Variants in CENPO observed in about 807,000 individuals in gnomAD.
The protein encoded by CENPO is centromere protein O.
A neutral mutation model predicts 36.1 loss-of-function variants in CENPO; 30 were observed. The ratio of observed to expected loss-of-function variants is 0.83; its 90% CI spans 0.62 to 1.13. CENPO has a LOEUF of 1.13. Among genes scored for constraint, CENPO ranks in the 50% most tolerant of loss-of-function variants. The pLI, the probability that CENPO is intolerant of heterozygous loss-of-function variation, is 0.00. For missense variants in CENPO, 349 were observed against 357.8 expected (o/e 0.98, Z 0.20); for synonymous variants, 171 against 142.3 (o/e 1.20, Z -1.44).
chr2:24,817,863 C>T, intron 7 of CENPO, 22 bp downstream of exon 7: 8 of 1,601,608 alleles, frequency 5.0e-6, no homozygotes, highest in South Asian at 2.2e-5. Flanking sequence ...GTACTGAAGA[C>T]AGTACCAGGT....
chr2:24,807,405 T>G (rs909131928), intron 3 of CENPO, among the ~76,000 whole-genome samples: 3 of 152,236 alleles, frequency 2.0e-5, no homozygotes, highest in Non-Finnish European at 2.9e-5. Context: ...CAAACTCTTA[T>G]GTCTGGCTTC....
rs1667190139 is a variant in CENPO, at chr2:24,819,428, T to G, written c.*110T>G. ...GTTCTCATGACTAAGGGGACAGGAG[T>G]TCCAGAAGAACCTTTCAAGATGATC... On this transcript the variant is annotated 3_prime_UTR_variant, in exon 8 of 8. Coordinates refer to ENST00000380834, the MANE Select transcript of CENPO (RefSeq NM_001322101.2). 6.5e-6 allele frequency: 1 copy of G among 152,774 alleles called. No homozygotes were observed. Among genetic ancestry groups the G allele is most frequent in the Non-Finnish European group, 1.5e-5 (1 of 68,294 alleles). 9.5% of individuals were successfully genotyped at this position (152,774 alleles called of 1,614,324 possible).
chr2:24,813,417 C>T (rs1189548840), intron 3 of CENPO, among the ~76,000 whole-genome samples: 1 of 152,024 alleles, frequency 6.6e-6, no homozygotes, highest in African/African-American at 2.4e-5. Context: ...TTTTTTAGGA[C>T]CTTCAGTTGA....
intron 3 of CENPO, among the ~76,000 whole-genome samples, chr2:24,802,118 GCT>G (rs1247597477): frequency 2.0e-5 from 3 of 152,090 alleles, no homozygotes; most frequent in Non-Finnish European, 4.4e-5. Flanking sequence ...TCATGATTTG[GCT>G]CTCTGTTTGT....
At chr2:24,804,972 G>A (rs1430558496) in intron 3 of CENPO, among the ~76,000 whole-genome samples, 3 of 152,180 alleles carry the variant, frequency 2.0e-5, no homozygotes, top group Admixed American at 6.5e-5. Flanking sequence ...CCTATCAGAC[G>A]TAGATTTGGT....
chr2:24,817,539 T>C (rs961213194), intron 6 of CENPO, 131 bp from the exon 7 acceptor site: 15 of 1,182,006 alleles, frequency 1.3e-5, no homozygotes, highest in Non-Finnish European at 1.7e-5. Flanking sequence ...CCAGCTGCAC[T>C]GAGTGAGATT....
At chr2:24,807,286 GTCTTCTCTTA>G (rs1666451691) in intron 3 of CENPO, among the ~76,000 whole-genome samples, 1 of 151,920 alleles carries the variant, frequency 6.6e-6, no homozygotes, top group Admixed American at 6.6e-5. Flanking sequence ...CTTCTCTTAA[GTCTTCTCTTA>G]AGGTACCCAC....
chr2:24,795,146 C>T (rs940207177), intron 2 of CENPO, among the ~76,000 whole-genome samples: 3 of 152,168 alleles, frequency 2.0e-5, no homozygotes, highest in African/African-American at 7.2e-5. Context: ...TATTTCATTT[C>T]TGTTAAAGTA....
intron 3 of CENPO, among the ~76,000 whole-genome samples, chr2:24,804,309 G>A (rs1421475141): frequency 5.3e-5 from 8 of 151,938 alleles, no homozygotes; most frequent in African/African-American, 1.9e-4. Context: ...TTTAATTGGA[G>A]CATTTAGTCT....
At position 24,806,152 on chromosome 2, in the gene CENPO, G is replaced by A. The variant is rs151051616; in HGVS notation, c.216+6308G>A. On this transcript the variant is annotated intron_variant, in intron 3 of 7. Transcript: ENST00000380834. ...GCGGGATATAATCTCCTGGTGTGCC[G>A]TTTGCTAAGACCGTTGGAAAAGCGC... Among the ~76,000 whole-genome samples, 419 of 152,334 alleles carry A rather than the reference G, an allele frequency of 2.8e-3. 2 individuals are homozygous for A. Among genetic ancestry groups the A allele is most frequent in the Non-Finnish European group, 9.3e-4 (63 of 68,032 alleles).
rs1484401815 is a variant in CENPO, at chr2:24,819,388, A to G, written c.*70A>G. 6.5e-6 allele frequency: 1 copy of G among 152,680 alleles called. No individual in the cohort carries two copies. The highest frequency in any genetic ancestry group is 2.4e-5 in the African/African-American group (1 of 41,454). 9.5% of individuals were successfully genotyped at this position (152,680 alleles called of 1,614,324 possible). On this transcript the variant is annotated 3_prime_UTR_variant, in exon 8 of 8. Transcript: ENST00000380834. Reference sequence around the variant, plus strand: ...CCCCCTCCCCTGCCAGGTGAAAGGAAATATTGCACTTTCTGTTCTCATGAC... The same window carrying G: ...CCCCCTCCCCTGCCAGGTGAAAGGAGATATTGCACTTTCTGTTCTCATGAC...
rs543410406 is a variant in CENPO at position 24,805,141 on chromosome 2, G to A, written c.216+5297G>A. Among the ~76,000 whole-genome samples, 23 of 150,974 alleles carry A rather than the reference G, an allele frequency of 1.5e-4. No homozygotes were observed. In the South Asian group the frequency reaches 3.4e-3, roughly 22 times the overall value. ...ATCGGCTACTGAGGCTTGTGCATTC[G>A]TCACGTGGGTCTCACGCCATGGTTT... On this transcript the variant is annotated intron_variant, in intron 3 of 7. Transcript: ENST00000380834.
At chr2:24,805,750 C>T (rs1477067271) in intron 3 of CENPO, among the ~76,000 whole-genome samples, 1 of 152,200 alleles carries the variant, frequency 6.6e-6, no homozygotes, top group East Asian at 1.9e-4. Context: ...GGGATGCCTC[C>T]CAGTTAGGCT....
rs1572768436 is a variant in CENPO, at chr2:24,821,330, T to C, written c.*2012T>C. The C allele has an allele frequency of 1.3e-6, 1 of 756,660 alleles. No homozygotes were observed. The highest frequency in any genetic ancestry group is 2.9e-5 in the Admixed American group (1 of 34,804). 46.9% of individuals were successfully genotyped at this position (756,660 alleles called of 1,614,324 possible). On this transcript the variant is annotated 3_prime_UTR_variant, in exon 8 of 8. Coordinates refer to ENST00000380834, the MANE Select transcript of CENPO (RefSeq NM_001322101.2). The stretch of plus-strand genomic sequence containing the variant: ...TAGTCGGATCATCACATCAGCTGGG[T>C]TTTTGGTTTAGTCATCTAGAGTCGT...
intron 3 of CENPO, among the ~76,000 whole-genome samples, chr2:24,806,105 C>T (rs1208426039): frequency 5.9e-5 from 9 of 152,220 alleles, no homozygotes; most frequent in Admixed American, 3.3e-4. Context: ...GCTCTGTGGG[C>T]GTAGGACCCT....
chr2:24,799,694 A>G lies in CENPO; in HGVS notation c.66A>G (p.Glu22=). ...ESKGGVLAHL[E]RLETQVSRSR... The stretch of plus-strand genomic sequence containing the variant: ...CCTTAGGTGTTTTAGCTCACTTGGA[A>G]AGGCTAGAGACCCAAGTGAGCAGAT... The change falls in exon 3 of 8, where the codon GAA becomes GAG. Residue 22 remains glutamate (E), a synonymous_variant. Coordinates refer to ENST00000380834, the MANE Select transcript of CENPO (RefSeq NM_001322101.2). 2 of 1,613,364 alleles carry G rather than the reference A, an allele frequency of 1.2e-6. No individual in the cohort carries two copies. The highest frequency in any genetic ancestry group is 4.5e-5 in the East Asian group (2 of 44,862).
rs2148314516 is a variant in CENPO at position 24,819,869 on chromosome 2, TTCC to T, written c.*553_*555del. The T allele has an allele frequency of 6.5e-7, 1 of 1,546,312 alleles. No homozygotes were observed. The highest frequency in any genetic ancestry group is 8.8e-7 in the Non-Finnish European group (1 of 1,135,388). On this transcript the variant is annotated 3_prime_UTR_variant, in exon 8 of 8. Transcript: ENST00000380834. ...CACTTCAATCCAGGAAGGTCGGGAC[TTCC>T]TTCAGTTTCAAAAAATAAATTCTCC...
chr2:24,820,150 G>C lies in CENPO; in HGVS notation c.*832G>C, dbSNP rs191188377. 2.7e-6 allele frequency: 4 copies of C among 1,505,686 alleles called. No homozygotes were observed. Among genetic ancestry groups the C allele is most frequent in the Non-Finnish European group, 3.6e-6 (4 of 1,121,320 alleles). The allele number at this position is 1,505,686 out of a possible 1,614,324, so 93.3% of individuals were successfully genotyped here. On this transcript the variant is annotated 3_prime_UTR_variant, in exon 8 of 8. Coordinates refer to ENST00000380834, the MANE Select transcript of CENPO (RefSeq NM_001322101.2). ...AGGGGGAGCAAGAACGTGGCGTTACGGGGGGAGCCTAGACTGAGGGCGGGT... is the reference window on the plus strand; with the variant it reads ...AGGGGGAGCAAGAACGTGGCGTTACCGGGGGAGCCTAGACTGAGGGCGGGT...
chr2:24,795,928 G>C (rs1222660191), intron 2 of CENPO, among the ~76,000 whole-genome samples: 1 of 152,182 alleles, frequency 6.6e-6, no homozygotes. Flanking sequence ...TAATTATTAG[G>C]ACTAATTTAT....
Sources: gnomAD v4.1 joint callset for allele counts (sites outside exome capture counted in the v4.1 genomes callset) on GRCh38, gnomAD v4.1.1 for gene constraint, MANE v1.5 for transcripts, NCBI Gene and HGNC (gene_info 2026-07-23, HGNC 2026-07-21) for gene names.